Variants in FRMD4B observed in about 807,000 individuals in gnomAD.
The protein encoded by FRMD4B is FERM domain-containing protein 4B.
In FRMD4B, 74 loss-of-function variants were observed where a neutral mutation model predicts 141.5. The observed-to-expected ratio is 0.52, with a 90% confidence interval of 0.43 to 0.63. The LOEUF is 0.63. FRMD4B is among the 30% of genes least tolerant of loss of function. The pLI is 0.00. For synonymous variants in FRMD4B, 506 were observed against 467.9 expected (o/e 1.08, Z -1.05); for missense variants, 1,366 against 1,253.4 (o/e 1.09, Z -1.36).
chr3:69,483,638 C>A (rs1469763147), intron 1 of FRMD4B, among the ~76,000 whole-genome samples: 5 of 152,146 alleles, frequency 3.3e-5, no homozygotes, highest in Admixed American at 2.0e-4. Context: ...TGGGAAACTT[C>A]ATGAGGAGAA....
At chr3:69,261,923 G>A (rs531542727) in intron 5 of FRMD4B, among the ~76,000 whole-genome samples, 1 of 150,498 alleles carries the variant, frequency 6.6e-6, no homozygotes, top group South Asian at 2.1e-4. Context: ...AGCCCTCCTT[G>A]GCCTCCCAAA....
At chr3:69,438,871 C>A (rs1234914948) in intron 1 of FRMD4B, among the ~76,000 whole-genome samples, 1 of 152,124 alleles carries the variant, frequency 6.6e-6, no homozygotes, top group Non-Finnish European at 1.5e-5. Context: ...CCTATCCATG[C>A]GCCCATCAGT....
intron 1 of FRMD4B, among the ~76,000 whole-genome samples, chr3:69,521,096 G>A (rs1700847380): frequency 6.6e-6 from 1 of 152,054 alleles, no homozygotes; most frequent in Non-Finnish European, 1.5e-5. Context: ...CTGGCTTTCT[G>A]TGCCTCTTAC....
At chr3:69,277,273 G>A (rs1405269483) in intron 5 of FRMD4B, among the ~76,000 whole-genome samples, 3 of 152,012 alleles carry the variant, frequency 2.0e-5, no homozygotes, top group South Asian at 2.1e-4. Context: ...TGTTATGTTT[G>A]TTATGTTATC....
chr3:69,213,974 G>A (rs1575616448), intron 11 of FRMD4B, among the ~76,000 whole-genome samples: 2 of 151,638 alleles, frequency 1.3e-5, no homozygotes, highest in South Asian at 4.2e-4. Flanking sequence ...CACCACCCTC[G>A]GCCTTATCAA....
intron 5 of FRMD4B, 171 bp from the exon 6 acceptor site, chr3:69,250,270 A>T: frequency 1.6e-6 from 1 of 639,072 alleles, no homozygotes; most frequent in Non-Finnish European, 2.8e-6. Context: ...TTGAGGGTTA[A>T]GGCGAAACCA....
intron 5 of FRMD4B, among the ~76,000 whole-genome samples, chr3:69,278,072 T>C (rs1411686203): frequency 6.6e-6 from 1 of 151,904 alleles, no homozygotes; most frequent in East Asian, 1.9e-4. Context: ...GCCAGGCTGG[T>C]CTCGAACTCC....
intron 1 of FRMD4B, among the ~76,000 whole-genome samples, chr3:69,349,622 A>G (rs1330291766): frequency 6.6e-6 from 1 of 152,112 alleles, no homozygotes; most frequent in Non-Finnish European, 1.5e-5. Flanking sequence ...GTACCAAAAC[A>G]GAGATATAGA....
chr3:69,341,397 G>C (rs1295610327), intron 1 of FRMD4B, among the ~76,000 whole-genome samples: 1 of 152,156 alleles, frequency 6.6e-6, no homozygotes, highest in Non-Finnish European at 1.5e-5. Flanking sequence ...CTCAACACAA[G>C]GCCAAATACC....
At position 69,471,094 on chromosome 3, in the gene FRMD4B, T is replaced by C. The variant is rs1323646759; in HGVS notation, c.-128-38333A>G. Among the ~76,000 whole-genome samples the C allele has an allele frequency of 2.6e-5, 4 of 152,318 alleles. No homozygotes were observed. The South Asian group carries it at 6.2e-4, about 24-fold the overall frequency. The stretch of plus-strand genomic sequence containing the variant: ...TAAGAGTTATCTTCCAAACTTCTCA[T>C]ATGTTAAGGCTACTTTTTTTCTAAT... On this transcript the variant is annotated intron_variant, in intron 1 of 5. Coordinates refer to the FRMD4B transcript ENST00000459638.
At chr3:69,486,472 T>C (rs961249797) in intron 1 of FRMD4B, among the ~76,000 whole-genome samples, 1 of 152,192 alleles carries the variant, frequency 6.6e-6, no homozygotes, top group African/African-American at 2.4e-5. Context: ...AAACACTATA[T>C]GGACAAAAGA....
chr3:69,470,764 CT>C (rs1705874966), intron 1 of FRMD4B, among the ~76,000 whole-genome samples: 2 of 152,242 alleles, frequency 1.3e-5, no homozygotes, highest in African/African-American at 2.4e-5. Context: ...GTCCTAAGTA[CT>C]TTTTCCCCCT....
intron 1 of FRMD4B, among the ~76,000 whole-genome samples, chr3:69,478,416 A>G (rs1160604223): frequency 2.0e-5 from 3 of 152,170 alleles, no homozygotes; most frequent in East Asian, 1.9e-4. Flanking sequence ...CTTTGTTCTC[A>G]TTGGTTTCAA....
chr3:69,226,945 C>T (rs1051213551), intron 7 of FRMD4B, among the ~76,000 whole-genome samples: 1 of 152,120 alleles, frequency 6.6e-6, no homozygotes, highest in South Asian at 2.1e-4. Flanking sequence ...TCTCACGACA[C>T]TGAGATTTTT....
intron 11 of FRMD4B, among the ~76,000 whole-genome samples, chr3:69,202,503 CTTTA>C (rs2092978912): frequency 6.7e-6 from 1 of 149,804 alleles, no homozygotes; most frequent in African/African-American, 2.5e-5. Flanking sequence ...AAAAGAGGAG[CTTTA>C]TTTGTCTTGC....
chr3:69,449,097 C>T (rs1293770931), intron 1 of FRMD4B, among the ~76,000 whole-genome samples: 5 of 152,162 alleles, frequency 3.3e-5, no homozygotes, highest in African/African-American at 1.2e-4. Flanking sequence ...TATAACTCTG[C>T]TTAATTCAAT....
intron 2 of FRMD4B, among the ~76,000 whole-genome samples, chr3:69,413,842 T>C (rs1704803023): frequency 6.6e-6 from 1 of 151,970 alleles, no homozygotes; most frequent in South Asian, 2.1e-4. Flanking sequence ...AAGAAGAAAA[T>C]GGTGTAAACG....
intron 5 of FRMD4B, 77 bp from the exon 6 acceptor site, chr3:69,250,176 G>T: frequency 1.0e-6 from 1 of 971,884 alleles, no homozygotes; most frequent in Non-Finnish European, 1.7e-6. Flanking sequence ...AGTTGAGGAA[G>T]CTGTCACAGC....
chr3:69,263,107 A>G (rs1012127252), intron 5 of FRMD4B, among the ~76,000 whole-genome samples: 2 of 151,972 alleles, frequency 1.3e-5, no homozygotes, highest in Non-Finnish European at 2.9e-5. Context: ...AAAAATACAA[A>G]TTAGCCAGGC....
Sources: allele counts gnomAD v4.1 joint callset (sites outside exome capture counted in the v4.1 genomes callset), GRCh38; gene constraint gnomAD v4.1.1; transcripts MANE v1.5; gene names NCBI Gene and HGNC (gene_info 2026-07-23, HGNC 2026-07-21).